The following VAC14 variants were observed in gnomAD, a reference collection of about 807,000 sequenced individuals.
The protein encoded by VAC14 is VAC14 component of PIKFYVE complex.
A neutral mutation model predicts 85.3 loss-of-function variants in VAC14; 47 were observed. That is an observed-to-expected ratio of 0.55 (90% confidence interval 0.44 to 0.70). The LOEUF is 0.70. VAC14 is among the 30% of genes least tolerant of loss of function. VAC14 has a pLI of 0.00. For missense variants in VAC14, 861 were observed against 1,004.3 expected (o/e 0.86, Z 1.93); for synonymous variants, 447 against 430.5 (o/e 1.04, Z -0.47).
intron 13 of VAC14, among the ~76,000 whole-genome samples, chr16:70,732,790 C>T (rs368361257): frequency 2.0e-5 from 3 of 151,926 alleles, no homozygotes; most frequent in African/African-American, 4.8e-5. Context: ...TACAGGCATG[C>T]GCCACCACGC....
At chr16:70,689,212 T>C (rs2053554454) in intron 18 of VAC14, 1 of 983,408 alleles carries the variant, frequency 1.0e-6, no homozygotes, top group Non-Finnish European at 1.2e-6. Context: ...GGAGCGGCCC[T>C]GGGGTGGCTG....
At chr16:70,725,222 T>A (rs113877225) in intron 14 of VAC14, among the ~76,000 whole-genome samples, 1 of 151,334 alleles carries the variant, frequency 6.6e-6, no homozygotes, top group Non-Finnish European at 1.5e-5. Context: ...GAGGAGGGGG[T>A]CCCGATGCCA....
At chr16:70,700,732 G>A (rs550967023) in intron 14 of VAC14, among the ~76,000 whole-genome samples, 7 of 152,290 alleles carry the variant, frequency 4.6e-5, no homozygotes, top group Admixed American at 3.3e-4. Context: ...CCCTCCATGA[G>A]CCCTGTCTCC....
At chr16:70,750,866 C>G (rs998445517) in intron 12 of VAC14, among the ~76,000 whole-genome samples, 2 of 152,062 alleles carry the variant, frequency 1.3e-5, no homozygotes, top group Non-Finnish European at 2.9e-5. Context: ...CCCAGGGTGC[C>G]GCGGCAGCTC....
intron 1 of VAC14, among the ~76,000 whole-genome samples, chr16:70,795,809 G>A (rs2034521568): frequency 1.3e-5 from 2 of 152,232 alleles, no homozygotes; most frequent in South Asian, 4.1e-4. Context: ...TGCGTTCAGG[G>A]AGGTAGAACC....
chr16:70,747,178 C>T (rs1011015974), intron 12 of VAC14: 5 of 152,148 alleles, frequency 3.3e-5, no homozygotes, highest in Admixed American at 6.5e-5. Context: ...ACCTGCTACA[C>T]GTGGATGAAC....
intron 1 of VAC14, among the ~76,000 whole-genome samples, chr16:70,800,453 C>T (rs2034732500): frequency 6.6e-6 from 1 of 152,226 alleles, no homozygotes; most frequent in Non-Finnish European, 1.5e-5. Flanking sequence ...TTCTCTCTCA[C>T]CACAGAGACA....
intron 1 of VAC14, among the ~76,000 whole-genome samples, chr16:70,793,458 T>C (rs12929374): frequency 0.13 from 20,356 of 152,298 alleles, 1,549 homozygotes; most frequent in Middle Eastern, 0.19. Flanking sequence ...TTGTAGATGA[T>C]GGATCTAAAA....
At chr16:70,709,531 G>A (rs1035573847) in intron 14 of VAC14, among the ~76,000 whole-genome samples, 2 of 152,162 alleles carry the variant, frequency 1.3e-5, no homozygotes, top group African/African-American at 4.8e-5. Context: ...GGATGGTGTT[G>A]GCCTGTGATC....
intron 18 of VAC14, chr16:70,690,893 T>C (rs1364167271): frequency 8.1e-6 from 8 of 985,352 alleles, no homozygotes; most frequent in Non-Finnish European, 8.4e-6. Context: ...CATTGAAGGC[T>C]AGGGGGTGTC....
At chr16:70,698,909 G>A (rs1177405629) in intron 14 of VAC14, 98 bp from the exon 15 acceptor site, 13 of 1,092,640 alleles carry the variant, frequency 1.2e-5, no homozygotes, top group Non-Finnish European at 1.5e-5. Context: ...GCGTCCTGGG[G>A]AAACTGCTCT....
chr16:70,787,537 T>G (rs1272524414), intron 1 of VAC14, among the ~76,000 whole-genome samples: 1 of 152,000 alleles, frequency 6.6e-6, no homozygotes, highest in Non-Finnish European at 1.5e-5. Context: ...CACAACAGAC[T>G]AGTCTGTTTT....
chr16:70,701,538 C>T (rs571090314), intron 14 of VAC14, among the ~76,000 whole-genome samples: 35 of 152,240 alleles, frequency 2.3e-4, no homozygotes, highest in African/African-American at 7.7e-4. Context: ...CCCACACACC[C>T]GCCCCCATGC....
At chr16:70,795,802 G>A (rs1006792887) in intron 1 of VAC14, among the ~76,000 whole-genome samples, 4 of 152,176 alleles carry the variant, frequency 2.6e-5, no homozygotes, top group African/African-American at 4.8e-5. Flanking sequence ...GATCAGGTGC[G>A]TTCAGGGAGG....
chr16:70,756,573 T>A (rs558191718), intron 12 of VAC14, among the ~76,000 whole-genome samples: 21 of 152,136 alleles, frequency 1.4e-4, no homozygotes, highest in Non-Finnish European at 2.2e-4. Context: ...GGATAGGGCA[T>A]CTGCCACCAG....
At chr16:70,756,076 G>C in intron 12 of VAC14, 1 of 456,842 alleles carries the variant, frequency 2.2e-6, no homozygotes, top group South Asian at 1.5e-5. Flanking sequence ...AGGACTGCTT[G>C]GGAAGGATAA....
At chr16:70,743,662 A>C (rs1411297325) in intron 13 of VAC14, among the ~76,000 whole-genome samples, 2 of 152,200 alleles carry the variant, frequency 1.3e-5, no homozygotes, top group Admixed American at 1.3e-4. Flanking sequence ...TCTTGAAGTC[A>C]GCGAAACCAA....
chr16:70,780,206 G>C (rs2033742578), intron 9 of VAC14, among the ~76,000 whole-genome samples: 1 of 152,064 alleles, frequency 6.6e-6, no homozygotes. Context: ...AATTATGTTA[G>C]AGGAGTCTGA....
Position 70,784,128 on chromosome 16 carries a change from C to A in VAC14, c.579G>T (p.Gln193His), listed in dbSNP as rs1567604078. The A allele has an allele frequency of 9.9e-6, 16 of 1,614,072 alleles. No individual in the cohort carries two copies. In the East Asian group the frequency reaches 3.6e-4, roughly 36 times the overall value. Reference protein sequence around the residue: ...RIYSNNQYARQFIISWILVLE... With the variant: ...RIYSNNQYARHFIISWILVLE... The stretch of plus-strand genomic sequence containing the variant: ...CAGGCCTTACCCAGGAGATGATGAA[C>A]TGCCGGGCATACTGGTTGTTGGAGT... Residue 193 changes from glutamine (Q) to histidine (H), a missense_variant, in exon 5 of 19, where the codon CAG becomes CAT. By Grantham distance (24) the Gln-to-His change is conservative. Transcript: ENST00000261776.
Sources: allele counts gnomAD v4.1 joint callset (sites outside exome capture counted in the v4.1 genomes callset), GRCh38; gene constraint gnomAD v4.1.1; transcripts MANE v1.5; gene names NCBI Gene and HGNC (gene_info 2026-07-23, HGNC 2026-07-21).